Variants in ABHD3 observed in about 807,000 individuals in gnomAD.
The protein encoded by ABHD3 is phospholipase ABHD3.
In ABHD3, 46 loss-of-function variants were observed where a neutral mutation model predicts 48.8. The ratio of observed to expected loss-of-function variants is 0.94; its 90% CI spans 0.74 to 1.20. The LOEUF is 1.20. ABHD3 is among the 50% of genes most tolerant of loss of function. ABHD3 has a pLI of 0.00. For synonymous variants in ABHD3, 192 were observed against 183.7 expected (o/e 1.04, Z -0.36); for missense variants, 490 against 497.8 (o/e 0.98, Z 0.15).
Position 21,694,871 on chromosome 18 carries a change from A to G in ABHD3, c.509+7445T>C, listed in dbSNP as rs377454083. Among the ~76,000 whole-genome samples, 8 of 152,038 alleles carry G rather than the reference A, an allele frequency of 5.3e-5. No homozygotes were observed. In the East Asian group the frequency reaches 9.7e-4, roughly 18 times the overall value. ...ATCTACTCCTTCCCTCCATAAAATG[A>G]CCCTTTTGGCTCTTCTGATATTTCT... On this transcript the variant is annotated intron_variant, in intron 3 of 8. Coordinates refer to ENST00000289119, the MANE Select transcript of ABHD3 (RefSeq NM_138340.5).
At chr18:21,690,769 T>A (rs1295628278) in intron 3 of ABHD3, among the ~76,000 whole-genome samples, 2 of 149,550 alleles carry the variant, frequency 1.3e-5, no homozygotes, top group Non-Finnish European at 3.0e-5. Context: ...CCGAGGCAGG[T>A]GGATCACCTG....
At chr18:21,655,514 G>A (rs189145826) in intron 8 of ABHD3, among the ~76,000 whole-genome samples, 1 of 151,868 alleles carries the variant, frequency 6.6e-6, no homozygotes, top group Non-Finnish European at 1.5e-5. Context: ...CCTTATCTTT[G>A]TTATCAAATT....
Position 21,664,170 on chromosome 18 carries a change from G to A in ABHD3, c.616C>T (p.His206Tyr), listed in dbSNP as rs766130161. Residue 206 changes from histidine (H) to tyrosine (Y), a missense_variant, in exon 5 of 9, where the codon CAC becomes TAC. His to Tyr is a moderately conservative substitution (Grantham distance 83). Transcript: ENST00000289119. ...EDLETVIHHVHSLYPSAPFLA... is the reference protein window; with the variant it reads ...EDLETVIHHVYSLYPSAPFLA... The stretch of plus-strand genomic sequence containing the variant: ...AAAGGAGCAGAAGGGTACAGGCTGT[G>A]TACATGGTGAATAACTGTCTCCAAG... 3 of 1,614,120 alleles carry A rather than the reference G, an allele frequency of 1.9e-6. No individual in the cohort carries two copies. The highest frequency in any genetic ancestry group is 2.5e-6 in the Non-Finnish European group (3 of 1,180,022).
At chr18:21,688,294 T>A (rs1361510727) in intron 3 of ABHD3, among the ~76,000 whole-genome samples, 2 of 152,128 alleles carry the variant, frequency 1.3e-5, no homozygotes, top group Admixed American at 1.3e-4. Context: ...ATTCCCCAAA[T>A]CTTCAAGTCT....
intron 3 of ABHD3, among the ~76,000 whole-genome samples, chr18:21,684,634 T>C (rs1415886047): frequency 6.6e-6 from 1 of 152,086 alleles, no homozygotes; most frequent in Non-Finnish European, 1.5e-5. Flanking sequence ...TGTTTTTGCT[T>C]TAAACAAAGA....
chr18:21,676,635 C>T (rs956794585), intron 4 of ABHD3, among the ~76,000 whole-genome samples: 1 of 152,236 alleles, frequency 6.6e-6, no homozygotes. Flanking sequence ...AAGTGATCCA[C>T]CCGCCTTGGC....
At chr18:21,666,123 T>TC (rs1598520895) in intron 4 of ABHD3, among the ~76,000 whole-genome samples, 1 of 152,086 alleles carries the variant, frequency 6.6e-6, no homozygotes, top group Admixed American at 6.6e-5. Flanking sequence ...CCCCTCTGCC[T>TC]CCTGGGTTCA....
chr18:21,685,720 CAG>C (rs1160209245), intron 3 of ABHD3, among the ~76,000 whole-genome samples: 69 of 151,766 alleles, frequency 4.5e-4, no homozygotes, highest in African/African-American at 1.6e-3. Context: ...TTTTTTGAGA[CAG>C]AGTCTCGCTC....
At chr18:21,703,229 C>CCCCA (rs2040555181) in intron 2 of ABHD3, among the ~76,000 whole-genome samples, 1 of 131,546 alleles carries the variant, frequency 7.6e-6, no homozygotes. Context: ...CCCCCCCCCC[C>CCCCA]AGTATCTGCT....
Position 21,659,314 on chromosome 18 carries a change from A to G in ABHD3, c.698T>C (p.Ile233Thr), listed in dbSNP as rs146556396. The G allele has an allele frequency of 5.6e-5, 90 of 1,610,504 alleles. No individual in the cohort carries two copies. The African/African-American group carries it at 1.2e-3, about 21-fold the overall frequency. Residue 233 changes from isoleucine (I) to threonine (T), a missense_variant, in exon 6 of 9, where the codon ATT (isoleucine) becomes ACT (threonine). By Grantham distance (89) the Ile-to-Thr change is moderately conservative. Transcript: ENST00000289119. Reference protein sequence around the residue: ...GMLLLNYLGKIGSKTPLMAAA... With the variant: ...GMLLLNYLGKTGSKTPLMAAA... Reference sequence around the variant, plus strand: ...TGCCATCAAAGGCGTTTTGGACCCAATTTTGCCCAAGTAATTTAGAAGCAG... The same window carrying G: ...TGCCATCAAAGGCGTTTTGGACCCAGTTTTGCCCAAGTAATTTAGAAGCAG...
At chr18:21,678,270 G>A (rs1409201151) in intron 4 of ABHD3, among the ~76,000 whole-genome samples, 1 of 152,120 alleles carries the variant, frequency 6.6e-6, no homozygotes, top group Non-Finnish European at 1.5e-5. Flanking sequence ...ATAAGTTATT[G>A]TGAGAACATA....
At chr18:21,664,526 AAACGTGTCTCC>A (rs2039576957) in intron 4 of ABHD3, 1 of 237,502 alleles carries the variant, frequency 4.2e-6, no homozygotes, top group African/African-American at 2.3e-5. Flanking sequence ...TACCATACTC[AAACGTGTCTCC>A]AACTTAACCA....
intron 3 of ABHD3, among the ~76,000 whole-genome samples, chr18:21,694,519 A>G (rs745457664): frequency 6.6e-6 from 1 of 152,258 alleles, no homozygotes; most frequent in Non-Finnish European, 1.5e-5. Flanking sequence ...GCAATGAAGA[A>G]TAAGAGATCC....
intron 8 of ABHD3, among the ~76,000 whole-genome samples, chr18:21,652,731 C>A (rs760934452): frequency 6.9e-6 from 1 of 145,746 alleles, no homozygotes; most frequent in Admixed American, 6.9e-5. Flanking sequence ...GCCGAGATCA[C>A]ACCTTTGTAC....
Position 21,694,580 on chromosome 18 carries a change from T to TA in ABHD3, c.509+7735dup, listed in dbSNP as rs2040326182. Among the ~76,000 whole-genome samples the TA allele has an allele frequency of 2.0e-5, 3 of 152,202 alleles. No individual in the cohort carries two copies. In the South Asian group the frequency reaches 6.2e-4, roughly 31 times the overall value. Reference sequence around the variant, plus strand: ...ATTAGTTTTTTCTCTAAGTAGGAAATAAAGTAACAAGACAGTAAGAAATGT... The same window carrying TA: ...ATTAGTTTTTTCTCTAAGTAGGAAATAAAAGTAACAAGACAGTAAGAAATGT... On this transcript the variant is annotated intron_variant, in intron 3 of 8. Coordinates refer to ENST00000289119, the MANE Select transcript of ABHD3 (RefSeq NM_138340.5).
chr18:21,681,673 G>C (rs1259735171), intron 4 of ABHD3, among the ~76,000 whole-genome samples: 1 of 152,094 alleles, frequency 6.6e-6, no homozygotes, highest in East Asian at 1.9e-4. Flanking sequence ...TGTGATTCTG[G>C]CCCTACCCTT....
intron 6 of ABHD3, 38 bp from the exon 7 acceptor site, chr18:21,657,190 A>G (rs1287240132): frequency 3.2e-6 from 5 of 1,564,810 alleles, no homozygotes; most frequent in Non-Finnish European, 3.5e-6. Context: ...AATCAAGATC[A>G]TTCCTACTCC....
Position 21,700,952 on chromosome 18 carries a change from CAAAAAA to C in ABHD3, c.509+1358_509+1363del, listed in dbSNP as rs34993965. On this transcript the variant is annotated intron_variant, in intron 3 of 8. Coordinates refer to ENST00000289119, the MANE Select transcript of ABHD3 (RefSeq NM_138340.5). ...TGGGCAACAGAGCCAGATTTGGCCT[CAAAAAA>C]AAAAAAAAAAAAAAAAAGGAACCAA... Among the ~76,000 whole-genome samples, 89 of 81,666 alleles carry C rather than the reference CAAAAAA, an allele frequency of 1.1e-3. 1 individual carries two copies. The highest frequency in any genetic ancestry group is 7.7e-3 in the Middle Eastern group (1 of 130). The allele number at this position is 81,666 out of a possible 152,430, so 53.6% of individuals were successfully genotyped here.
chr18:21,659,004 A>T (rs887481618), intron 6 of ABHD3, among the ~76,000 whole-genome samples, 166 bp downstream of exon 6: 1 of 151,922 alleles, frequency 6.6e-6, no homozygotes, highest in Non-Finnish European at 1.5e-5. Flanking sequence ...ACGGCCAGCT[A>T]ATTTTTTTGT....
Sources: allele counts gnomAD v4.1 joint callset (sites outside exome capture counted in the v4.1 genomes callset), GRCh38; gene constraint gnomAD v4.1.1; transcripts MANE v1.5; gene names NCBI Gene and HGNC (gene_info 2026-07-23, HGNC 2026-07-21).